The following RNF24 variants were observed in gnomAD, a reference collection of about 807,000 sequenced individuals.
The protein encoded by RNF24 is ring finger protein 24.
In RNF24, 14 loss-of-function variants were observed where a neutral mutation model predicts 20.0. The observed-to-expected ratio is 0.70, with a 90% CI of 0.46 to 1.10. The LOEUF (loss-of-function observed/expected upper bound fraction) is 1.10, where lower values mean the gene tolerates loss of function less well. Ranked by LOEUF, RNF24 falls within the 50% of genes least tolerant of loss-of-function variation. The probability of loss-of-function intolerance (pLI) is 0.00; values close to 1 mark genes in which losing one functional copy is unlikely to be tolerated. For synonymous variants in RNF24, 45 were observed against 61.1 expected (o/e 0.74, Z 1.23); for missense variants, 124 against 177.6 (o/e 0.70, Z 1.71).
At chr20:3,966,257 T>C (rs2091256866) in intron 1 of RNF24, among the ~76,000 whole-genome samples, 1 of 152,014 alleles carries the variant, frequency 6.6e-6, no homozygotes, top group Admixed American at 6.6e-5. Context: ...AGGTTTGCAG[T>C]CAGCAAAGCT....
intron 1 of RNF24, among the ~76,000 whole-genome samples, chr20:3,990,152 A>AT (rs1212593335): frequency 6.6e-6 from 1 of 152,202 alleles, no homozygotes; most frequent in African/African-American, 2.4e-5. Context: ...GTTTAAATAT[A>AT]AAAAATGAAA....
At position 3,931,829 on chromosome 20, in the gene RNF24, T is replaced by A. The variant is rs886422285; in HGVS notation, c.*2234A>T. 6.6e-6 allele frequency: 1 copy of A among 152,274 alleles called. No individual in the cohort carries two copies. The highest frequency in any genetic ancestry group is 1.5e-5 in the Non-Finnish European group (1 of 68,052). 9.4% of individuals were successfully genotyped at this position (152,274 alleles called of 1,614,324 possible). Reference sequence around the variant, plus strand: ...CATTCTTGTGCTCTCCTCTCATGGCTGGAACTATCTGGGCTTTGCGCCCTG... The same window carrying A: ...CATTCTTGTGCTCTCCTCTCATGGCAGGAACTATCTGGGCTTTGCGCCCTG... On this transcript the variant is annotated 3_prime_UTR_variant, in exon 6 of 6. Transcript: ENST00000358395.
intron 2 of RNF24, among the ~76,000 whole-genome samples, chr20:3,958,664 A>G: frequency 6.6e-6 from 1 of 152,182 alleles, no homozygotes; most frequent in East Asian, 1.9e-4. Flanking sequence ...TTGTTTTGAG[A>G]TGGAGTCTGC....
At chr20:3,956,434 A>C (rs549791932) in intron 2 of RNF24, among the ~76,000 whole-genome samples, 2 of 151,686 alleles carry the variant, frequency 1.3e-5, no homozygotes, top group Admixed American at 1.3e-4. Flanking sequence ...CTTTTTCATT[A>C]GTGATATTAG....
chr20:3,963,074 G>A (rs2091220571), intron 2 of RNF24, among the ~76,000 whole-genome samples: 1 of 152,080 alleles, frequency 6.6e-6, no homozygotes, highest in Admixed American at 6.5e-5. Context: ...GTTTTATAAA[G>A]GTTTTTTCTG....
chr20:3,977,636 C>T (rs1018395542), intron 1 of RNF24, among the ~76,000 whole-genome samples: 11 of 151,964 alleles, frequency 7.2e-5, no homozygotes, highest in Admixed American at 2.6e-4. Flanking sequence ...GAGGCCGAGG[C>T]GGGCGGATCA....
chr20:3,956,077 A>G (rs2091138912), intron 2 of RNF24, among the ~76,000 whole-genome samples: 1 of 152,082 alleles, frequency 6.6e-6, no homozygotes, highest in African/African-American at 2.4e-5. Context: ...TATCATCTGC[A>G]AATGGAGATA....
intron 1 of RNF24, among the ~76,000 whole-genome samples, chr20:3,981,893 C>A (rs1979417776): frequency 6.6e-6 from 1 of 151,942 alleles, no homozygotes; most frequent in Admixed American, 6.6e-5. Context: ...CAGAGATGGG[C>A]AGATCACTTG....
intron 1 of RNF24, among the ~76,000 whole-genome samples, chr20:3,970,054 C>T (rs539455459): frequency 1.3e-5 from 2 of 152,250 alleles, no homozygotes; most frequent in African/African-American, 4.8e-5. Context: ...CATGTGGACC[C>T]TGACTTCTAC....
At chr20:3,936,838 GTTTCTTTT>G (rs2090896829) in intron 4 of RNF24, among the ~76,000 whole-genome samples, 1 of 152,070 alleles carries the variant, frequency 6.6e-6, no homozygotes, top group South Asian at 2.1e-4. Context: ...CCAAACAGGA[GTTTCTTTT>G]TTTCTTTTTG....
intron 1 of RNF24, among the ~76,000 whole-genome samples, chr20:3,984,186 G>A (rs1445137778): frequency 6.6e-6 from 1 of 151,328 alleles, no homozygotes; most frequent in Admixed American, 6.6e-5. Context: ...GCTATGACCA[G>A]ATCATACCAC....
chr20:4,009,920 G>A (rs769482174), intron 1 of RNF24, among the ~76,000 whole-genome samples: 6 of 152,042 alleles, frequency 3.9e-5, no homozygotes, highest in Non-Finnish European at 8.8e-5. Flanking sequence ...GCATGGTGGC[G>A]GGCACCTGTA....
chr20:4,001,306 G>GT (rs1156362434), intron 1 of RNF24, among the ~76,000 whole-genome samples: 3 of 151,974 alleles, frequency 2.0e-5, no homozygotes, highest in Non-Finnish European at 2.9e-5. Context: ...TGAAGAGCCA[G>GT]TTTTTTTCAA....
chr20:3,973,079 T>C (rs956973804), intron 1 of RNF24, among the ~76,000 whole-genome samples: 2 of 152,042 alleles, frequency 1.3e-5, no homozygotes, highest in African/African-American at 2.4e-5. Context: ...GGCAGGTGCC[T>C]GTAATCCCAG....
chr20:4,008,314 A>AT (rs1490462831), intron 1 of RNF24, among the ~76,000 whole-genome samples: 1 of 91,872 alleles, frequency 1.1e-5, no homozygotes, highest in African/African-American at 4.6e-5. Context: ...GCAAATATAT[A>AT]TATATATTAT....
chr20:4,008,286 G>C (rs1386219903), intron 1 of RNF24, among the ~76,000 whole-genome samples: 1 of 130,330 alleles, frequency 7.7e-6, no homozygotes, highest in African/African-American at 2.9e-5. Context: ...TCTGATGCCA[G>C]AGTCCAGGTG....
chr20:3,933,174 C>T lies in RNF24; in HGVS notation c.*889G>A, dbSNP rs976256391. On this transcript the variant is annotated 3_prime_UTR_variant, in exon 6 of 6. Transcript: ENST00000358395. Reference sequence around the variant, plus strand: ...AGGGTCGGCATTCCCTTCATCCAGCCGGGCCAGAAGTATGGGCCATTCTCA... The same window carrying T: ...AGGGTCGGCATTCCCTTCATCCAGCTGGGCCAGAAGTATGGGCCATTCTCA... 19 of 394,336 alleles carry T rather than the reference C, an allele frequency of 4.8e-5. No homozygotes were observed. Among genetic ancestry groups the T allele is most frequent in the East Asian group, 3.9e-4 (11 of 27,888 alleles). The allele number at this position is 394,336 out of a possible 1,614,324, so 24.4% of individuals were successfully genotyped here.
chr20:3,996,884 T>G (rs189583718), intron 1 of RNF24, among the ~76,000 whole-genome samples: 1 of 152,216 alleles, frequency 6.6e-6, no homozygotes, highest in Non-Finnish European at 1.5e-5. Flanking sequence ...CCTGATGCCA[T>G]GAAGCTCCAT....
At chr20:3,982,136 A>C (rs1979463235) in intron 1 of RNF24, among the ~76,000 whole-genome samples, 1 of 78,854 alleles carries the variant, frequency 1.3e-5, no homozygotes, top group Non-Finnish European at 2.6e-5. Context: ...TCTCTCTCTC[A>C]ATAAATAAAT....
Sources: gnomAD v4.1 joint callset for allele counts (sites outside exome capture counted in the v4.1 genomes callset) on GRCh38, gnomAD v4.1.1 for gene constraint, MANE v1.5 for transcripts, NCBI Gene and HGNC (gene_info 2026-07-23, HGNC 2026-07-21) for gene names.